Variants in PBLD observed in about 807,000 individuals in gnomAD.
PBLD encodes phenazine biosynthesis like protein domain containing.
In PBLD, 26 loss-of-function variants were observed where a neutral mutation model predicts 31.3. That is an observed-to-expected ratio of 0.83 (90% CI 0.61 to 1.15). PBLD has a LOEUF of 1.15. PBLD is among the 50% of genes most tolerant of loss of function. The pLI is 0.00. For missense variants in PBLD, 307 were observed against 351.7 expected (o/e 0.87, Z 1.02); for synonymous variants, 114 against 129.0 (o/e 0.88, Z 0.79).
chr10:68,327,544 CA>C (rs1401609844), intron 1 of PBLD, among the ~76,000 whole-genome samples: 1 of 151,658 alleles, frequency 6.6e-6, no homozygotes. Flanking sequence ...TGGGCGTGGT[CA>C]TGCATGCCTG....
chr10:68,315,872 CTCTG>C (rs1440753494), intron 1 of PBLD, among the ~76,000 whole-genome samples: 1 of 152,170 alleles, frequency 6.6e-6, no homozygotes, highest in African/African-American at 2.4e-5. Context: ...GTAAGAAAAT[CTCTG>C]TCTAATAATT....
In PBLD at chr10:68,316,734, G is replaced by A. The variant is rs911646487; in HGVS notation, c.-59-9831C>T. 2.6e-5 allele frequency among the ~76,000 whole-genome samples: 4 copies of A among 152,184 alleles called. No homozygotes were observed. The Middle Eastern group carries it at 0.01, about 388-fold the overall frequency. On this transcript the variant is annotated intron_variant, in intron 1 of 9. Coordinates refer to ENST00000358769, the MANE Select transcript of PBLD (RefSeq NM_022129.4). Reference sequence around the variant, plus strand: ...GCAGAAAGAAAATGACTGAATTGGTGGGGTACAGTGGCTCATGCCTGTAAT... The same window carrying A: ...GCAGAAAGAAAATGACTGAATTGGTAGGGTACAGTGGCTCATGCCTGTAAT...
chr10:68,320,877 G>A lies in PBLD; in HGVS notation c.-60+11907C>T, dbSNP rs142773972. The stretch of plus-strand genomic sequence containing the variant: ...CTGTTGCCCAGGCTGGAGTGCAATG[G>A]CACGATCTCAGCTCACTACAAGCAA... On this transcript the variant is annotated intron_variant, in intron 1 of 9. Coordinates refer to ENST00000358769, the MANE Select transcript of PBLD (RefSeq NM_022129.4). Among the ~76,000 whole-genome samples, 436 of 151,238 alleles carry A rather than the reference G, an allele frequency of 2.9e-3. 4 individuals carry two copies. The highest frequency in any genetic ancestry group is 0.015 in the East Asian group (78 of 5,102).
chr10:68,319,098 AGAAAGAAAGAAAG>A (rs1292641869), intron 1 of PBLD, among the ~76,000 whole-genome samples: 38 of 135,076 alleles, frequency 2.8e-4, no homozygotes, highest in Non-Finnish European at 3.8e-4. Context: ...AAAGAAAGAA[AGAAAGAAAGAAAG>A]GAAAAAGAAA....
intron 6 of PBLD, 67 bp downstream of exon 6, chr10:68,291,943 T>C: frequency 6.9e-7 from 1 of 1,456,410 alleles, no homozygotes. Context: ...GTGGATCAAA[T>C]GATACCAAAT....
At chr10:68,330,641 G>A (rs955775811) in intron 1 of PBLD, among the ~76,000 whole-genome samples, 2 of 151,924 alleles carry the variant, frequency 1.3e-5, no homozygotes, top group African/African-American at 4.8e-5. Context: ...TGCCTCCCGG[G>A]TCCACGCCAT....
At chr10:68,319,074 A>AG (rs776315578) in intron 1 of PBLD, among the ~76,000 whole-genome samples, 10 of 128,336 alleles carry the variant, frequency 7.8e-5, no homozygotes, top group African/African-American at 3.3e-4. Context: ...AAAGAAAGAA[A>AG]GAAAGAAAGA....
chr10:68,301,233 T>C (rs1444972080), intron 2 of PBLD, among the ~76,000 whole-genome samples: 1 of 152,116 alleles, frequency 6.6e-6, no homozygotes, highest in Non-Finnish European at 1.5e-5. Flanking sequence ...TTTAACATAA[T>C]GGACACTCTA....
At chr10:68,323,621 G>A (rs939420115) in intron 1 of PBLD, among the ~76,000 whole-genome samples, 15 of 152,154 alleles carry the variant, frequency 9.9e-5, no homozygotes, top group African/African-American at 3.6e-4. Context: ...CAAGATTTCT[G>A]ATCCACAGAA....
chr10:68,303,915 C>A (rs2044542261), intron 2 of PBLD, among the ~76,000 whole-genome samples: 1 of 152,124 alleles, frequency 6.6e-6, no homozygotes, highest in Admixed American at 6.5e-5. Context: ...AGGCCTGGTA[C>A]CTTCAGGTCT....
intron 1 of PBLD, among the ~76,000 whole-genome samples, chr10:68,324,175 G>C (rs887147540): frequency 2.0e-5 from 3 of 150,936 alleles, no homozygotes; most frequent in African/African-American, 7.3e-5. Flanking sequence ...TTTTGAGATA[G>C]AGCTGGGACC....
chr10:68,297,116 C>G (rs1182402528), intron 2 of PBLD, 131 bp from the exon 3 acceptor site: 1 of 698,496 alleles, frequency 1.4e-6, no homozygotes, highest in Admixed American at 2.7e-5. Context: ...AAATAATTAC[C>G]AAGGAATTCA....
chr10:68,306,809 T>C lies in PBLD; in HGVS notation c.36A>G (p.Thr12=), dbSNP rs990708097. Residue 12 remains threonine, a synonymous_variant, in exon 2 of 10, where the codon ACA becomes ACG. Transcript: ENST00000358769. ...KLPIFIADAF[T]ARAFRGNPAA... is the part of the protein sequence containing the mutation. Reference sequence around the variant, plus strand: ...CAGGATTCCCACGAAATGCTCTTGCTGTGAATGCATCTGCTATGAAAATAG... The same window carrying C: ...CAGGATTCCCACGAAATGCTCTTGCCGTGAATGCATCTGCTATGAAAATAG... 1 of 1,612,346 alleles carries C rather than the reference T, an allele frequency of 6.2e-7. No individual in the cohort carries two copies.
intron 1 of PBLD, among the ~76,000 whole-genome samples, chr10:68,317,043 A>C (rs562430811): frequency 6.6e-6 from 1 of 152,276 alleles, no homozygotes; most frequent in East Asian, 1.9e-4. Flanking sequence ...GAATCTTGAA[A>C]CCAGCAAGAG....
chr10:68,290,145 A>C (rs10762205), intron 6 of PBLD, among the ~76,000 whole-genome samples: 119,731 of 151,934 alleles, frequency 0.79, 47,799 homozygotes, highest in Non-Finnish European at 0.86. Context: ...CACCAGCCCC[A>C]GCTGCCAGGC....
intron 2 of PBLD, among the ~76,000 whole-genome samples, chr10:68,300,602 T>TACA: frequency 6.7e-6 from 1 of 150,090 alleles, no homozygotes; most frequent in African/African-American, 2.4e-5. Flanking sequence ...GGTGATCGTG[T>TACA]GCACATTAAA....
chr10:68,290,904 AT>A, intron 6 of PBLD, among the ~76,000 whole-genome samples: 1 of 152,312 alleles, frequency 6.6e-6, no homozygotes, highest in South Asian at 2.1e-4. Context: ...TCTTACCAGT[AT>A]GTTTAAAGCA....
At position 68,292,004 on chromosome 10, in the gene PBLD, A is replaced by G. The variant is rs1256316632; in HGVS notation, c.423+6T>C. The G allele has an allele frequency of 1.1e-5, 17 of 1,581,632 alleles. No homozygotes were observed. The highest frequency in any genetic ancestry group is 1.3e-5 in the Non-Finnish European group (15 of 1,150,706). The stretch of plus-strand genomic sequence containing the variant: ...ACTAGGCTCAGGTTTGATTCTTTTT[A>G]CCAACCTTTATCAAGTCCTCTACTT... On this transcript the variant is annotated splice_donor_region_variant and intron_variant, in intron 6 of 9. Coordinates refer to ENST00000358769, the MANE Select transcript of PBLD (RefSeq NM_022129.4).
chr10:68,288,803 T>C, intron 7 of PBLD, 128 bp downstream of exon 7: 2 of 1,274,744 alleles, frequency 1.6e-6, no homozygotes, highest in Non-Finnish European at 2.2e-6. Context: ...TGTCTTCCTA[T>C]CAGGGAAAGA....
Sources: allele counts gnomAD v4.1 joint callset (sites outside exome capture counted in the v4.1 genomes callset), GRCh38; gene constraint gnomAD v4.1.1; transcripts MANE v1.5; gene names NCBI Gene and HGNC (gene_info 2026-07-23, HGNC 2026-07-21).